Variants in SPAST observed in about 807,000 individuals in gnomAD.
The protein encoded by SPAST is spastic paraplegia 4 (autosomal dominant; spastin).
SPAST carries 30 observed loss-of-function variants against 76.6 expected under a neutral mutation model. The observed-to-expected ratio is 0.39, with a 90% CI of 0.29 to 0.53. The LOEUF (loss-of-function observed/expected upper bound fraction) is 0.53. Among genes scored for constraint, SPAST ranks in the 20% least tolerant of loss-of-function variants. The probability of loss-of-function intolerance (pLI) is 0.68; values close to 1 mark genes in which losing one functional copy is unlikely to be tolerated. For synonymous variants in SPAST, 305 were observed against 281.0 expected, an observed-to-expected ratio of 1.09 and a Z score of -0.86; for missense variants, 717 against 770.5, an observed-to-expected ratio of 0.93 and a Z score of 0.82.
chr2:32,117,114 C>A (rs1054266734), intron 7 of SPAST, among the ~76,000 whole-genome samples: 2 of 151,712 alleles, frequency 1.3e-5, no homozygotes, highest in African/African-American at 4.8e-5. Flanking sequence ...CAAAAATTAG[C>A]TGGGCTTGGT....
chr2:32,149,193 G>A (rs1228190564), intron 16 of SPAST, among the ~76,000 whole-genome samples: 3 of 150,784 alleles, frequency 2.0e-5, no homozygotes, highest in Non-Finnish European at 4.4e-5. Flanking sequence ...AGGTTCAAGC[G>A]ATTCTCCTGC....
At chr2:32,067,981 CTTTTTTTTTTTT>C (rs755475755) in intron 1 of SPAST, among the ~76,000 whole-genome samples, 1 of 140,478 alleles carries the variant, frequency 7.1e-6, no homozygotes, top group Non-Finnish European at 1.6e-5. Context: ...TTTCTCTTTT[CTTTTTTTTTTTT>C]TTTGAGACAG....
chr2:32,066,989 A>C (rs1260077385), intron 1 of SPAST, among the ~76,000 whole-genome samples: 1 of 58,554 alleles, frequency 1.7e-5, no homozygotes, highest in Non-Finnish European at 3.8e-5. Flanking sequence ...AAAAAAAAAA[A>C]AAACCAAAAA....
At chr2:32,117,407 C>T (rs983649183) in intron 7 of SPAST, among the ~76,000 whole-genome samples, 15 of 151,452 alleles carry the variant, frequency 9.9e-5, no homozygotes, top group African/African-American at 2.9e-4. Context: ...TAAACTCCAT[C>T]GAAGGCTAAA....
chr2:32,070,472 G>A (rs1393237428), intron 1 of SPAST, among the ~76,000 whole-genome samples: 7 of 152,144 alleles, frequency 4.6e-5, no homozygotes, highest in Admixed American at 4.6e-4. Flanking sequence ...CTTAATGAGA[G>A]GATATGTGAA....
At chr2:32,090,950 G>A (rs1243100453) in intron 3 of SPAST, among the ~76,000 whole-genome samples, 1 of 152,110 alleles carries the variant, frequency 6.6e-6, no homozygotes, top group Non-Finnish European at 1.5e-5. Context: ...AACTATGACT[G>A]ATGTCCAGTG....
At chr2:32,087,298 AACATCATG>A (rs1677522194) in intron 1 of SPAST, among the ~76,000 whole-genome samples, 186 bp from the exon 2 acceptor site, 1 of 152,224 alleles carries the variant, frequency 6.6e-6, no homozygotes, top group Non-Finnish European at 1.5e-5. Context: ...AATGTTGATA[AACATCATG>A]ACCATATTCC....
chr2:32,129,931 T>G (rs1365968205), intron 9 of SPAST: 3 of 152,536 alleles, frequency 2.0e-5, no homozygotes, highest in African/African-American at 7.2e-5. Context: ...CCTGAGAGGT[T>G]GAGGCTGCAG....
chr2:32,066,568 T>C (rs1676519634), intron 1 of SPAST, among the ~76,000 whole-genome samples: 2 of 151,756 alleles, frequency 1.3e-5, no homozygotes, highest in African/African-American at 4.8e-5. Flanking sequence ...CTCAGGAGGC[T>C]GAGGCAAGAG....
At chr2:32,096,715 A>G (rs992505523) in intron 3 of SPAST, among the ~76,000 whole-genome samples, 3 of 152,170 alleles carry the variant, frequency 2.0e-5, no homozygotes, top group Admixed American at 6.5e-5. Flanking sequence ...TTTTGTTAAA[A>G]TTTCATTGAG....
chr2:32,148,975 A>G (rs1679986418), intron 16 of SPAST, among the ~76,000 whole-genome samples: 1 of 149,726 alleles, frequency 6.7e-6, no homozygotes, highest in African/African-American at 2.4e-5. Flanking sequence ...CCCAGTCTCA[A>G]AAAAAAAAAA....
chr2:32,073,081 T>TTGG (rs75983502), intron 1 of SPAST, among the ~76,000 whole-genome samples: 1 of 151,832 alleles, frequency 6.6e-6, no homozygotes, highest in Non-Finnish European at 1.5e-5. Context: ...TTTTAGCTGG[T>TTGG]TTGTTGTTGT....
intron 7 of SPAST, among the ~76,000 whole-genome samples, chr2:32,121,800 T>G (rs1482886320): frequency 1.3e-5 from 2 of 152,194 alleles, no homozygotes; most frequent in African/African-American, 4.8e-5. Context: ...TGCTTTGGCC[T>G]CCCAGAGTGC....
chr2:32,096,709 G>A (rs1373977926), intron 3 of SPAST, among the ~76,000 whole-genome samples: 2 of 151,818 alleles, frequency 1.3e-5, no homozygotes, highest in East Asian at 1.9e-4. Context: ...TTAACTTTTT[G>A]TTAAAATTTC....
chr2:32,156,670 A>G lies in SPAST; in HGVS notation c.*2174A>G, dbSNP rs1680264962. ...TGTTTTCATTTAAAAGATTAACGTT[A>G]TTGATACTTGGATAACTGGCTAATC... is the stretch of plus-strand genomic sequence containing the variant. On this transcript the variant is annotated 3_prime_UTR_variant, in exon 17 of 17. Transcript: ENST00000315285. 1.3e-5 allele frequency: 2 copies of G among 152,114 alleles called. No homozygotes were observed. The highest frequency in any genetic ancestry group is 4.1e-4 in the South Asian group (2 of 4,834). The allele number at this position is 152,114 out of a possible 1,614,324, so 9.4% of individuals were successfully genotyped here.
chr2:32,152,893 G>A lies in SPAST; in HGVS notation c.1729-1481G>A, dbSNP rs116505397. On this transcript the variant is annotated intron_variant, in intron 16 of 16. Coordinates refer to ENST00000315285, the MANE Select transcript of SPAST (RefSeq NM_014946.4). The stretch of plus-strand genomic sequence containing the variant: ...TTCCCTAGTAGCTGAGACTACAGGC[G>A]TGCGCCACCATGCCTAGCTAAATTT... Among the ~76,000 whole-genome samples the A allele has an allele frequency of 6.7e-3, 1,017 of 151,960 alleles. 15 individuals carry two copies. Among genetic ancestry groups the A allele is most frequent in the African/African-American group, 0.024 (975 of 41,462 alleles).
At chr2:32,136,710 T>C in intron 10 of SPAST, 72 bp downstream of exon 10, 2 of 1,372,640 alleles carry the variant, frequency 1.5e-6, no homozygotes, top group South Asian at 2.3e-5. Flanking sequence ...AAAGATACGA[T>C]TGGAAACATT....
In SPAST at chr2:32,063,853, G is replaced by C. The variant is rs950926374; in HGVS notation, c.22G>C (p.Gly8Arg). The C allele has an allele frequency of 7.6e-6, 12 of 1,582,792 alleles. No individual in the cohort carries two copies. The highest frequency in any genetic ancestry group is 1.0e-5 in the Non-Finnish European group (12 of 1,170,790). The change falls in exon 1 of 17, where the codon GGG becomes CGG. Residue 8 changes from glycine to arginine, a missense_variant. By Grantham distance (125) the Gly-to-Arg change is moderately radical. Transcript: ENST00000315285. ...GTGAATGAATTCTCCGGGTGGACGA[G>C]GGAAGAAGAAAGGCTCCGGCGGCGC... MNSPGGR[G>R]KKKGSGGASN...
chr2:32,085,456 GTCC>G (rs1179865484), intron 1 of SPAST, among the ~76,000 whole-genome samples: 1 of 152,062 alleles, frequency 6.6e-6, no homozygotes, highest in Non-Finnish European at 1.5e-5. Flanking sequence ...GGCTCAAGCA[GTCC>G]TCCTGCCTTG....
Sources: gnomAD v4.1 joint callset for allele counts (sites outside exome capture counted in the v4.1 genomes callset) on GRCh38, gnomAD v4.1.1 for gene constraint, MANE v1.5 for transcripts, NCBI Gene and HGNC (gene_info 2026-07-23, HGNC 2026-07-21) for gene names.